Variants in ACTN1 observed in about 807,000 individuals in gnomAD.
The protein encoded by ACTN1 is alpha-actinin-1.
A neutral mutation model predicts 119.6 loss-of-function variants in ACTN1; 30 were observed. The ratio of observed to expected loss-of-function variants is 0.25; its 90% confidence interval spans 0.19 to 0.34. ACTN1 has a LOEUF of 0.34. Ranked by LOEUF, ACTN1 falls within the 10% of genes least tolerant of loss-of-function variation. ACTN1 has a pLI of 1.00. For synonymous variants in ACTN1, 429 were observed against 472.6 expected, an observed-to-expected ratio of 0.91 and a Z score of 1.20; for missense variants, 764 against 1,223.4, an observed-to-expected ratio of 0.62 and a Z score of 5.60.
At chr14:68,977,839 G>A in intron 1 of ACTN1, 1 of 410,324 alleles carries the variant, frequency 2.4e-6, no homozygotes, top group South Asian at 1.8e-5. Context: ...GATCAGCCTG[G>A]GGGTGGGGAG....
At chr14:68,914,931 A>T (rs1041820418) in intron 3 of ACTN1, among the ~76,000 whole-genome samples, 4 of 152,228 alleles carry the variant, frequency 2.6e-5, no homozygotes, top group African/African-American at 9.7e-5. Context: ...TAATTTGGCC[A>T]CAAGGAGCAC....
intron 1 of ACTN1, among the ~76,000 whole-genome samples, chr14:68,966,692 AC>A (rs1323449034): frequency 5.9e-5 from 9 of 152,024 alleles, no homozygotes; most frequent in Non-Finnish European, 1.5e-5. Flanking sequence ...CTAGATCCAC[AC>A]CCCTCGGGAT....
intron 16 of ACTN1, among the ~76,000 whole-genome samples, chr14:68,881,947 T>G (rs2031562963): frequency 1.0e-5 from 1 of 96,988 alleles, no homozygotes; most frequent in Admixed American, 1.1e-4. Flanking sequence ...TTTTTTTTTT[T>G]TTTTTTTTGA....
At chr14:68,900,440 C>T (rs1237520947) in intron 8 of ACTN1, among the ~76,000 whole-genome samples, 1 of 151,904 alleles carries the variant, frequency 6.6e-6, no homozygotes, top group African/African-American at 2.4e-5. Context: ...GTTCTCCCTG[C>T]TCTGGCTGCT....
intron 2 of ACTN1, among the ~76,000 whole-genome samples, chr14:68,924,023 A>T (rs573682024): frequency 6.6e-6 from 1 of 152,374 alleles, no homozygotes; most frequent in Non-Finnish European, 1.5e-5. Flanking sequence ...TCACAAAAGG[A>T]GAAATACTGT....
At chr14:68,946,318 C>G (rs112803106) in intron 1 of ACTN1, among the ~76,000 whole-genome samples, 188 of 152,272 alleles carry the variant, frequency 1.2e-3, no homozygotes, top group Middle Eastern at 0.01. Context: ...GGGGTTTTCT[C>G]TAATGGACCA....
intron 1 of ACTN1, among the ~76,000 whole-genome samples, chr14:68,955,623 C>T (rs2036328898): frequency 1.3e-5 from 2 of 152,110 alleles, no homozygotes; most frequent in African/African-American, 2.4e-5. Flanking sequence ...TGTTTGCGCT[C>T]GGTGGCAGGG....
chr14:68,918,734 A>AG (rs2034475341), intron 3 of ACTN1, among the ~76,000 whole-genome samples: 1 of 151,738 alleles, frequency 6.6e-6, no homozygotes, highest in Non-Finnish European at 1.5e-5. Context: ...TCTCTACTAA[A>AG]AAAAAAAAAA....
At chr14:68,881,911 A>C (rs181462) in intron 16 of ACTN1, among the ~76,000 whole-genome samples, 76,855 of 145,054 alleles carry the variant, frequency 0.53, 22,088 homozygotes, top group African/African-American at 0.77. Flanking sequence ...AACTGACCCT[A>C]GTATGGGACT....
intron 3 of ACTN1, 148 bp downstream of exon 3, chr14:68,920,858 C>G: frequency 8.8e-7 from 1 of 1,139,082 alleles, no homozygotes; most frequent in Non-Finnish European, 1.2e-6. Context: ...TACAAAGCCT[C>G]CACAGGCGAC....
intron 1 of ACTN1, among the ~76,000 whole-genome samples, chr14:68,948,779 C>T (rs980546446): frequency 6.6e-6 from 1 of 152,156 alleles, no homozygotes; most frequent in Non-Finnish European, 1.5e-5. Context: ...AGACCAGCCA[C>T]TACCAGGCCA....
Position 68,892,155 on chromosome 14 carries a change from C to A in ACTN1, c.984G>T (p.Val328=). 6.2e-7 allele frequency: 1 copy of A among 1,614,156 alleles called. No homozygotes were observed. Among genetic ancestry groups the A allele is most frequent in the East Asian group, 2.2e-5 (1 of 44,880 alleles). The change falls in exon 10 of 22, where the codon GTG becomes GTT. Residue 328 remains valine, a synonymous_variant. Transcript: ENST00000394419. ...DYRRLHKPPK[V]QEKCQLEINF... is the part of the protein sequence containing the mutation. ...TGATCTCCAGCTGGCACTTCTCCTG[C>A]ACCTTGGGCGGCTTGTGCAGGCGCC...
intron 3 of ACTN1, among the ~76,000 whole-genome samples, chr14:68,918,832 C>A (rs1057010835): frequency 1.3e-5 from 2 of 152,168 alleles, no homozygotes; most frequent in African/African-American, 4.8e-5. Context: ...CTGGAGCCTA[C>A]CCCTGGGTTT....
Position 68,882,954 on chromosome 14 carries a change from G to C in ACTN1, c.1737C>G (p.Val579=). 1 of 1,614,212 alleles carries C rather than the reference G, an allele frequency of 6.2e-7. No individual in the cohort carries two copies. The highest frequency in any genetic ancestry group is 8.5e-7 in the Non-Finnish European group (1 of 1,180,046). ...LGIHNEVSKI[V]QTYHVNMAGT... ...CCGCCATATTGACGTGGTAGGTCTG[G>C]ACAATCTTGGACACCTCATTGTGGA... Residue 579 remains valine (V), a synonymous_variant, in exon 15 of 22, where the codon GTC becomes GTG. Coordinates refer to ENST00000394419, the MANE Select transcript of ACTN1 (RefSeq NM_001130004.2). The surrounding 1 kb of genome is among the most constrained non-coding windows in gnomAD (Gnocchi z 4.5).
intron 1 of ACTN1, among the ~76,000 whole-genome samples, chr14:68,966,695 C>A (rs560377804): frequency 4.6e-5 from 7 of 152,256 alleles, no homozygotes; most frequent in African/African-American, 1.7e-4. Context: ...GATCCACACC[C>A]CTCGGGATAC....
chr14:68,977,116 G>A (rs1303686695), intron 1 of ACTN1, among the ~76,000 whole-genome samples: 2 of 152,172 alleles, frequency 1.3e-5, no homozygotes, highest in African/African-American at 4.8e-5. Context: ...GCACAAAGCA[G>A]GTGCTCCCTA....
At position 68,878,681 on chromosome 14, in the gene ACTN1, C is replaced by T. The variant is rs762451916; in HGVS notation, c.2362-158G>A. 1.4e-4 allele frequency: 217 copies of T among 1,539,904 alleles called. No homozygotes were observed. The highest frequency in any genetic ancestry group is 5.0e-4 in the Middle Eastern group (3 of 6,006). On this transcript the variant is annotated intron_variant, in intron 19 of 21. Coordinates refer to ENST00000394419, the MANE Select transcript of ACTN1 (RefSeq NM_001130004.2). This position sits in a 1 kb window ranked among gnomAD's most constrained non-coding sequence, Gnocchi z 4.4. ...AGGTAAAGGAACATAGGAGAAGATGCGAACACACATCGGTGGAAATGTCCA... is the reference window on the plus strand; with the variant it reads ...AGGTAAAGGAACATAGGAGAAGATGTGAACACACATCGGTGGAAATGTCCA...
intron 1 of ACTN1, 33 bp downstream of exon 1, chr14:68,978,919 T>TGGGGGCTGGGGGCC: frequency 6.9e-7 from 1 of 1,441,528 alleles, no homozygotes; most frequent in Non-Finnish European, 9.4e-7. Context: ...GGCTGGGGGC[T>TGGGGGCTGGGGGCC]GGGGGCTGCA....
intron 8 of ACTN1, among the ~76,000 whole-genome samples, chr14:68,894,333 G>A (rs1001022381): frequency 1.3e-5 from 2 of 152,188 alleles, no homozygotes; most frequent in African/African-American, 4.8e-5. Context: ...CCAGACTTCC[G>A]GATCAACCAA....
Sources: allele counts gnomAD v4.1 joint callset (sites outside exome capture counted in the v4.1 genomes callset), GRCh38; gene constraint gnomAD v4.1.1; non-coding constraint Gnocchi (gnomAD v3.1); transcripts MANE v1.5; gene names NCBI Gene and HGNC (gene_info 2026-07-23, HGNC 2026-07-21).